Variants in STX19 observed in about 807,000 individuals in gnomAD.
STX19 encodes syntaxin-19.
Under a neutral mutation model 24.3 loss-of-function variants are expected in STX19, and 26 were observed. The ratio of observed to expected loss-of-function variants is 1.07; its 90% CI spans 0.78 to 1.48. STX19 has a LOEUF of 1.48. Ranked by LOEUF, STX19 falls within the 40% of genes most tolerant of loss-of-function variation. The pLI is 0.00. For missense variants in STX19, 367 were observed against 331.9 expected, an observed-to-expected ratio of 1.11 and a Z score of -0.82; for synonymous variants, 116 against 106.9, an observed-to-expected ratio of 1.09 and a Z score of -0.52.
At chr3:94,023,541 A>G (rs546765845) in intron 1 of STX19, among the ~76,000 whole-genome samples, 2 of 151,782 alleles carry the variant, frequency 1.3e-5, no homozygotes, top group South Asian at 4.2e-4. Context: ...TTTTCTTTGT[A>G]TTATTTTCAT....
intron 1 of STX19, among the ~76,000 whole-genome samples, chr3:94,026,163 G>A (rs1283216580): frequency 2.0e-5 from 3 of 152,074 alleles, no homozygotes; most frequent in Non-Finnish European, 4.4e-5. Flanking sequence ...GGGACTACAG[G>A]CGCCCGCCAC....
chr3:94,014,892 A>C lies in STX19; in HGVS notation c.378T>G (p.Ser126=). ...VKKSEVENGP[S]SVVTRILKSQ... The stretch of plus-strand genomic sequence containing the variant: ...ATTTAAGTATCCTTGTGACCACTGA[A>C]GATGGACCATTTTCAACCTCTGACT... Residue 126 remains serine, a synonymous_variant, in exon 2 of 2, where the codon TCT becomes TCG. Transcript: ENST00000315099. The C allele has an allele frequency of 6.2e-7, 1 of 1,613,736 alleles. No homozygotes were observed. The highest frequency in any genetic ancestry group is 1.7e-5 in the Admixed American group (1 of 59,974).
intron 1 of STX19, among the ~76,000 whole-genome samples, chr3:94,022,148 A>G (rs1220770865): frequency 1.3e-5 from 2 of 151,702 alleles, no homozygotes; most frequent in African/African-American, 4.8e-5. Flanking sequence ...TTTGAGACAG[A>G]GTTTCGCTGT....
intron 1 of STX19, among the ~76,000 whole-genome samples, chr3:94,026,833 CTG>C (rs947769322): frequency 3.5e-4 from 54 of 152,156 alleles, no homozygotes; most frequent in African/African-American, 1.3e-3. Flanking sequence ...CTAGCAAGAA[CTG>C]TATCTGTGAG....
intron 1 of STX19, among the ~76,000 whole-genome samples, chr3:94,018,819 G>T (rs1378250666): frequency 6.6e-6 from 1 of 152,176 alleles, no homozygotes; most frequent in African/African-American, 2.4e-5. Context: ...AGGCCGGAGT[G>T]CAGTGGTGTG....
chr3:94,019,358 G>C (rs2076400532), intron 1 of STX19, among the ~76,000 whole-genome samples: 1 of 151,834 alleles, frequency 6.6e-6, no homozygotes, highest in Admixed American at 6.6e-5. Flanking sequence ...CACCATGCCT[G>C]GCTAATTTTT....
At chr3:94,018,178 A>G (rs574512990) in intron 1 of STX19, among the ~76,000 whole-genome samples, 2 of 152,080 alleles carry the variant, frequency 1.3e-5, no homozygotes, top group South Asian at 4.2e-4. Flanking sequence ...GATTACAGGC[A>G]TAAGCCACCA....
At chr3:94,026,070 A>C (rs1028403406) in intron 1 of STX19, among the ~76,000 whole-genome samples, 1 of 144,274 alleles carries the variant, frequency 6.9e-6, no homozygotes, top group African/African-American at 2.6e-5. Flanking sequence ...CCCAGGCTGG[A>C]GTGCAGTGGC....
intron 1 of STX19, among the ~76,000 whole-genome samples, chr3:94,015,681 T>A (rs1010079243): frequency 6.6e-6 from 1 of 152,164 alleles, no homozygotes; most frequent in Non-Finnish European, 1.5e-5. Context: ...TCCGGTTAAT[T>A]TGGCCAATGT....
chr3:94,022,180 A>G (rs751636218), intron 1 of STX19, among the ~76,000 whole-genome samples: 1 of 151,908 alleles, frequency 6.6e-6, no homozygotes, highest in African/African-American at 2.4e-5. Context: ...CTGGAGTGCA[A>G]TGGTGTGATC....
intron 1 of STX19, among the ~76,000 whole-genome samples, chr3:94,019,589 C>T (rs1467762098): frequency 6.6e-6 from 1 of 151,716 alleles, no homozygotes; most frequent in African/African-American, 2.4e-5. Flanking sequence ...ATCCTGCCCC[C>T]ACCACAAAAC....
Position 94,014,708 on chromosome 3 carries a change from G to GAT in STX19, c.560_561dup (p.Gln188IlefsTer40). The GAT allele has an allele frequency of 6.2e-7, 1 of 1,612,760 alleles. No individual in the cohort carries two copies. Among genetic ancestry groups the GAT allele is most frequent in the African/African-American group, 1.3e-5 (1 of 74,928 alleles). On this transcript the variant is annotated frameshift_variant, in exon 2 of 2. Transcript: ENST00000315099. LOFTEE classifies it high-confidence loss of function. Reference sequence around the variant, plus strand: ...TCATTAAAAACTTCCCATTTTCCTTGATGAAGCATATCATTTACATCTTCT... The same window carrying GAT: ...TCATTAAAAACTTCCCATTTTCCTTGATATGAAGCATATCATTTACATCTTCT...
intron 1 of STX19, among the ~76,000 whole-genome samples, chr3:94,017,032 A>G (rs756524943): frequency 3.9e-5 from 6 of 152,022 alleles, no homozygotes; most frequent in African/African-American, 1.2e-4. Flanking sequence ...AACTCTGCCA[A>G]CTCTATGCTA....
intron 1 of STX19, among the ~76,000 whole-genome samples, chr3:94,022,332 G>T (rs1002074722): frequency 4.0e-4 from 61 of 151,940 alleles, no homozygotes; most frequent in African/African-American, 1.4e-3. Flanking sequence ...TACCATGTTG[G>T]CCAGGCTGGT....
intron 1 of STX19, among the ~76,000 whole-genome samples, chr3:94,026,512 C>T (rs181564616): frequency 6.6e-6 from 1 of 152,196 alleles, no homozygotes; most frequent in East Asian, 1.9e-4. Flanking sequence ...TAGTTGCATA[C>T]TCATAACTAT....
At chr3:94,015,710 T>C (rs538947972) in intron 1 of STX19, among the ~76,000 whole-genome samples, 10 of 152,284 alleles carry the variant, frequency 6.6e-5, no homozygotes, top group African/African-American at 2.4e-4. Context: ...AAAATACTCA[T>C]TTTGCTAAAT....
chr3:94,021,400 G>A (rs2076446528), intron 1 of STX19, among the ~76,000 whole-genome samples: 1 of 151,882 alleles, frequency 6.6e-6, no homozygotes, highest in African/African-American at 2.4e-5. Context: ...TCACCATGTT[G>A]GCCAGGCTCA....
At chr3:94,018,057 T>A (rs181416581) in intron 1 of STX19, among the ~76,000 whole-genome samples, 1 of 152,334 alleles carries the variant, frequency 6.6e-6, no homozygotes, top group South Asian at 2.1e-4. Context: ...CATTTTGATA[T>A]GTAATTTAAA....
At chr3:94,021,086 G>A (rs2076438024) in intron 1 of STX19, among the ~76,000 whole-genome samples, 1 of 151,770 alleles carries the variant, frequency 6.6e-6, no homozygotes, top group South Asian at 2.1e-4. Flanking sequence ...AATTATGAAA[G>A]GAAGATTAGT....
Sources: allele counts gnomAD v4.1 joint callset (sites outside exome capture counted in the v4.1 genomes callset), GRCh38; gene constraint gnomAD v4.1.1; transcripts MANE v1.5; gene names NCBI Gene and HGNC (gene_info 2026-07-23, HGNC 2026-07-21).